The following AFG1L variants were observed in gnomAD, a reference collection of about 807,000 sequenced individuals.
The protein encoded by AFG1L is AFG1-like ATPase.
In AFG1L, 53 loss-of-function variants were observed where a neutral mutation model predicts 62.2. The observed-to-expected ratio is 0.85, with a 90% CI of 0.68 to 1.07. The LOEUF (loss-of-function observed/expected upper bound fraction) is 1.07. AFG1L is among the 50% of genes least tolerant of loss of function. The pLI is 0.00. For missense variants in AFG1L, 555 were observed against 590.5 expected, an observed-to-expected ratio of 0.94 and a Z score of 0.62; for synonymous variants, 228 against 210.3, an observed-to-expected ratio of 1.08 and a Z score of -0.73.
intron 1 of AFG1L, among the ~76,000 whole-genome samples, chr6:108,307,438 T>G (rs1777244504): frequency 6.6e-6 from 1 of 150,756 alleles, no homozygotes; most frequent in Admixed American, 6.6e-5. Context: ...GGAAACAGGG[T>G]TTTGCCCAGT....
chr6:108,331,125 C>CA (rs879816337), intron 2 of AFG1L, among the ~76,000 whole-genome samples: 63 of 142,414 alleles, frequency 4.4e-4, no homozygotes, highest in Non-Finnish European at 4.9e-4. Context: ...CCATCTCCAC[C>CA]AAAAAAAAAA....
At chr6:108,421,578 T>A (rs1770590251) in intron 7 of AFG1L, among the ~76,000 whole-genome samples, 1 of 152,074 alleles carries the variant, frequency 6.6e-6, no homozygotes. Context: ...AGGCAGTGTT[T>A]TATACTTTTT....
At chr6:108,371,351 A>G (rs911900774) in intron 6 of AFG1L, among the ~76,000 whole-genome samples, 2 of 152,022 alleles carry the variant, frequency 1.3e-5, no homozygotes, top group Non-Finnish European at 2.9e-5. Flanking sequence ...CCTAGGCAGG[A>G]AAATTGCTTG....
At chr6:108,345,958 G>A (rs1778847458) in intron 2 of AFG1L, among the ~76,000 whole-genome samples, 2 of 152,114 alleles carry the variant, frequency 1.3e-5, no homozygotes, top group East Asian at 1.9e-4. Flanking sequence ...TCTATTAATT[G>A]CTGAGAATGA....
At chr6:108,395,167 A>T (rs1006655243) in intron 6 of AFG1L, among the ~76,000 whole-genome samples, 2 of 152,182 alleles carry the variant, frequency 1.3e-5, no homozygotes, top group South Asian at 4.1e-4. Context: ...TACTTTGCTT[A>T]CTATAATGAT....
chr6:108,495,722 CAAAT>C (rs1773950799), intron 10 of AFG1L, among the ~76,000 whole-genome samples: 1 of 152,176 alleles, frequency 6.6e-6, no homozygotes, highest in South Asian at 2.1e-4. Context: ...TTAAGGAAAA[CAAAT>C]ACTCTTTGCA....
At position 108,323,961 on chromosome 6, in the gene AFG1L, A is replaced by G. The variant is rs1318868167; in HGVS notation, c.276A>G (p.Glu92=). The G allele has an allele frequency of 1.2e-6, 2 of 1,614,090 alleles. No homozygotes were observed. Among genetic ancestry groups the G allele is most frequent in the Middle Eastern group, 1.6e-4 (1 of 6,084 alleles). Residue 92 remains glutamate, a synonymous_variant, in exon 2 of 13, where the codon GAA becomes GAG. Transcript: ENST00000368977. ...AAGCTCATGAGCTAAAGGATGATGA[A>G]CATCAAAGAAGAGTCATACAGTGTT... The part of the protein sequence containing the change: ...LIKAHELKDD[E]HQRRVIQCLQ...
chr6:108,360,637 C>T (rs943983065), intron 5 of AFG1L, among the ~76,000 whole-genome samples: 6 of 152,172 alleles, frequency 3.9e-5, no homozygotes, highest in Non-Finnish European at 8.8e-5. Flanking sequence ...AGGCTGATAT[C>T]TGCATATACC....
At chr6:108,453,936 A>C (rs1233092188) in intron 8 of AFG1L, among the ~76,000 whole-genome samples, 1 of 152,220 alleles carries the variant, frequency 6.6e-6, no homozygotes, top group Non-Finnish European at 1.5e-5. Context: ...CCTCTGAAAC[A>C]TTCACCAGTG....
At chr6:108,406,569 C>T (rs1781867749) in intron 7 of AFG1L, among the ~76,000 whole-genome samples, 1 of 152,098 alleles carries the variant, frequency 6.6e-6, no homozygotes, top group South Asian at 2.1e-4. Context: ...TCCCGAGTAG[C>T]TGGGATTACA....
chr6:108,426,506 ACTTTT>A (rs1311911870), intron 7 of AFG1L, among the ~76,000 whole-genome samples: 5 of 152,136 alleles, frequency 3.3e-5, no homozygotes, highest in South Asian at 4.1e-4. Flanking sequence ...CCACTCTTCT[ACTTTT>A]CTTTTCTTTT....
At position 108,519,800 on chromosome 6, in the gene AFG1L, G is replaced by T; in HGVS notation, c.1307G>T (p.Gly436Val). 6.3e-7 allele frequency: 1 copy of T among 1,599,660 alleles called. No individual in the cohort carries two copies. Among genetic ancestry groups the T allele is most frequent in the Non-Finnish European group, 8.5e-7 (1 of 1,172,504 alleles). The change falls in exon 12 of 13, where the codon GGG becomes GTG. Residue 436 changes from glycine (G) to valine (V), a missense_variant. By Grantham distance (109) the Gly-to-Val change is moderately radical (BLOSUM62 -3). Coordinates refer to ENST00000368977, the MANE Select transcript of AFG1L (RefSeq NM_145315.5). The part of the protein sequence containing the change: ...EQSRILMDDL[G>V]LSQDSAEGLS... Reference sequence around the variant, plus strand: ...AGCAGAATACTGATGGATGATTTGGGGCTGAGCCAGGTAGGCGATATTAAC... The same window carrying T: ...AGCAGAATACTGATGGATGATTTGGTGCTGAGCCAGGTAGGCGATATTAAC...
At chr6:108,466,341 A>G (rs915112792) in intron 8 of AFG1L, among the ~76,000 whole-genome samples, 3 of 152,232 alleles carry the variant, frequency 2.0e-5, no homozygotes, top group Non-Finnish European at 4.4e-5. Context: ...GGAATGTACT[A>G]GAATGTTCAT....
chr6:108,395,790 G>C (rs1195610035), intron 6 of AFG1L, among the ~76,000 whole-genome samples: 2 of 148,690 alleles, frequency 1.3e-5, no homozygotes, highest in African/African-American at 4.9e-5. Flanking sequence ...GGTAGAGAGG[G>C]AGGGAGGGAG....
intron 1 of AFG1L, among the ~76,000 whole-genome samples, chr6:108,306,831 A>G (rs1777215428): frequency 6.6e-6 from 1 of 152,030 alleles, no homozygotes; most frequent in African/African-American, 2.4e-5. Context: ...ATATTCCTTC[A>G]AGTATGGTCA....
chr6:108,455,697 A>G (rs1200537750), intron 8 of AFG1L, among the ~76,000 whole-genome samples: 2 of 151,956 alleles, frequency 1.3e-5, no homozygotes, highest in South Asian at 2.1e-4. Flanking sequence ...TTTTTGGCCC[A>G]TGGGTTATTA....
At chr6:108,511,397 G>T (rs1774648092) in intron 11 of AFG1L, among the ~76,000 whole-genome samples, 1 of 152,160 alleles carries the variant, frequency 6.6e-6, no homozygotes, top group South Asian at 2.1e-4. Flanking sequence ...TGGCCTACTG[G>T]TTCAAGAGTG....
intron 7 of AFG1L, among the ~76,000 whole-genome samples, chr6:108,416,405 AC>A (rs1770277199): frequency 2.0e-5 from 3 of 152,160 alleles, no homozygotes. Flanking sequence ...ACCATTTGAC[AC>A]AGCCATCCCA....
rs557670699 is a variant in AFG1L, at chr6:108,452,654, G to A, written c.890+5358G>A. On this transcript the variant is annotated intron_variant, in intron 8 of 12. Transcript: ENST00000368977. ...AGGTTTGCCTTTTATTATTTCATAA[G>A]TGCTGACAGAAGACAACAGAGACCT... is the stretch of plus-strand genomic sequence containing the variant. 2.6e-5 allele frequency among the ~76,000 whole-genome samples: 4 copies of A among 152,294 alleles called. No individual in the cohort carries two copies. In the South Asian group the frequency reaches 6.2e-4, roughly 24 times the overall value.
Sources: allele counts gnomAD v4.1 joint callset (sites outside exome capture counted in the v4.1 genomes callset), GRCh38; gene constraint gnomAD v4.1.1; transcripts MANE v1.5; gene names NCBI Gene and HGNC (gene_info 2026-07-23, HGNC 2026-07-21).